The following ACTR3C variants were observed in gnomAD, a reference collection of about 807,000 sequenced individuals.
The protein encoded by ACTR3C is actin related protein 3C, also known as actin-related protein 3C.
In ACTR3C, 18 loss-of-function variants were observed where a neutral mutation model predicts 26.3. The observed-to-expected ratio is 0.68, with a 90% confidence interval of 0.47 to 1.01. The LOEUF is 1.01. Ranked by LOEUF, ACTR3C falls within the 50% of genes least tolerant of loss-of-function variation. ACTR3C has a pLI of 0.00. For missense variants in ACTR3C, 184 were observed against 250.7 expected (o/e 0.73, Z 1.80); for synonymous variants, 55 against 94.5 (o/e 0.58, Z 2.42).
At chr7:149,923,592 A>T in the ACTR3C span, among the ~76,000 whole-genome samples, 1 of 152,152 alleles carries the variant, frequency 6.6e-6, no homozygotes, top group Non-Finnish European at 1.5e-5. Flanking sequence ...GGCAGCAACA[A>T]CTTTCATAAA....
chr7:150,039,321 G>T, the ACTR3C span, among the ~76,000 whole-genome samples: 1 of 146,220 alleles, frequency 6.8e-6, no homozygotes, highest in Non-Finnish European at 1.5e-5. Flanking sequence ...AGGGGCGGAA[G>T]AGGGGATAGC....
the ACTR3C span, among the ~76,000 whole-genome samples, chr7:150,009,234 C>G: frequency 6.6e-6 from 1 of 152,236 alleles, no homozygotes; most frequent in Non-Finnish European, 1.5e-5. Context: ...TCCCATCACT[C>G]CACCACTCCA....
At chr7:150,010,168 G>A in the ACTR3C span, among the ~76,000 whole-genome samples, 15 of 152,290 alleles carry the variant, frequency 9.8e-5, no homozygotes, top group East Asian at 2.1e-3. Context: ...AGCCTCATTC[G>A]AGCTGTTCCT....
chr7:150,041,295 C>A, the ACTR3C span: 1 of 151,010 alleles, frequency 6.6e-6, no homozygotes, highest in Admixed American at 6.6e-5. Flanking sequence ...CCTAAGAATT[C>A]TCTCACCTGC....
At chr7:149,994,470 G>T in the ACTR3C span, among the ~76,000 whole-genome samples, 1 of 152,196 alleles carries the variant, frequency 6.6e-6, no homozygotes, top group Non-Finnish European at 1.5e-5. Context: ...ATTGGTGTGT[G>T]CCTGTAATCC....
chr7:150,116,553 C>A, the ACTR3C span, among the ~76,000 whole-genome samples: 7 of 152,102 alleles, frequency 4.6e-5, no homozygotes, highest in Admixed American at 1.3e-4. Flanking sequence ...TTCTGAAATT[C>A]TTATATTAAT....
chr7:149,890,978 G>A, the ACTR3C span: 1 of 371,516 alleles, frequency 2.7e-6, no homozygotes, highest in African/African-American at 2.1e-5. Flanking sequence ...AACAGCCCTA[G>A]AGCTGCCTCA....
the ACTR3C span, among the ~76,000 whole-genome samples, chr7:150,014,407 G>A: frequency 6.8e-6 from 1 of 146,664 alleles, no homozygotes; most frequent in Non-Finnish European, 1.5e-5. Context: ...AGTGAGCTGA[G>A]ATCGCACCAC....
chr7:149,895,981 TAA>T, the ACTR3C span, among the ~76,000 whole-genome samples: 1 of 141,834 alleles, frequency 7.1e-6, no homozygotes, highest in African/African-American at 2.7e-5. Flanking sequence ...GCAGATTGCT[TAA>T]GTCTGGGAGT....
rs576018357 is a variant in ACTR3C, at chr7:150,270,593, C to G, written c.564+14160G>C. Among the ~76,000 whole-genome samples the G allele has an allele frequency of 5.3e-5, 8 of 151,254 alleles. No homozygotes were observed. In the East Asian group the frequency reaches 1.4e-3, roughly 26 times the overall value. The stretch of plus-strand genomic sequence containing the variant: ...CTCACCACCATGCAGGATCCACGCA[C>G]TCAACACACATGGGCGCCACCCCCC... On this transcript the variant is annotated intron_variant, in intron 6 of 7. Transcript: ENST00000683684.
chr7:150,088,468 C>T, the ACTR3C span, among the ~76,000 whole-genome samples: 2 of 152,228 alleles, frequency 1.3e-5, no homozygotes, highest in Admixed American at 1.3e-4. Context: ...AATTCTCATG[C>T]AAAGCGAAGG....
At chr7:149,891,222 C>T in the ACTR3C span, 35 of 1,197,530 alleles carry the variant, frequency 2.9e-5, no homozygotes, top group Middle Eastern at 2.2e-4. Context: ...AGGTTCAGCT[C>T]GAAGATATTT....
At chr7:150,018,207 G>T in the ACTR3C span, among the ~76,000 whole-genome samples, 4 of 149,984 alleles carry the variant, frequency 2.7e-5, no homozygotes, top group Non-Finnish European at 4.4e-5. Context: ...CACAAAGCCT[G>T]GCTAATTTTT....
chr7:149,945,809 C>G, the ACTR3C span, among the ~76,000 whole-genome samples: 16,977 of 152,170 alleles, frequency 0.11, 3,181 homozygotes, highest in African/African-American at 0.39. Flanking sequence ...TTAGGGACAA[C>G]CTTGCTATGC....
At chr7:150,243,879 A>G (rs1305959893), downstream of ACTR3C, 4 of 151,876 alleles carry the variant, frequency 2.6e-5, no homozygotes, top group Non-Finnish European at 5.9e-5. Flanking sequence ...AGGCCAGACT[A>G]TACTTACTAT....
chr7:150,106,535 G>T, the ACTR3C span, among the ~76,000 whole-genome samples: 5 of 147,252 alleles, frequency 3.4e-5, no homozygotes, highest in African/African-American at 1.3e-4. Context: ...CACATGAATT[G>T]GGAGTTAGTG....
At chr7:150,314,662 G>A (rs1452148292) in intron 1 of ACTR3C, among the ~76,000 whole-genome samples, 2 of 151,294 alleles carry the variant, frequency 1.3e-5, no homozygotes, top group East Asian at 3.9e-4. Context: ...AATGTTTAAG[G>A]CTGAGCTTGG....
chr7:150,119,686 A>G, the ACTR3C span, among the ~76,000 whole-genome samples: 1 of 152,146 alleles, frequency 6.6e-6, no homozygotes, highest in Non-Finnish European at 1.5e-5. Flanking sequence ...GAGACATAAA[A>G]TTAACAAGGA....
chr7:149,902,317 C>T, the ACTR3C span, among the ~76,000 whole-genome samples: 1 of 149,388 alleles, frequency 6.7e-6, no homozygotes, highest in Non-Finnish European at 1.5e-5. Context: ...AATCCTGATA[C>T]ACAACCAGAC....
Sources: allele counts gnomAD v4.1 joint callset (sites outside exome capture counted in the v4.1 genomes callset), GRCh38; gene constraint gnomAD v4.1.1; transcripts MANE v1.5; gene names NCBI Gene and HGNC (gene_info 2026-07-23, HGNC 2026-07-21).